ESRP1: variants seen among roughly 807,000 people sequenced by gnomAD.
ESRP1 encodes epithelial splicing regulatory protein 1.
In ESRP1, 33 loss-of-function variants were observed where a neutral mutation model predicts 81.7. The ratio of observed to expected loss-of-function variants is 0.40; its 90% CI spans 0.31 to 0.54. ESRP1 has a LOEUF of 0.54. Among genes scored for constraint, ESRP1 ranks in the 20% least tolerant of loss-of-function variants. The pLI is 0.41. For missense variants in ESRP1, 672 were observed against 833.1 expected (o/e 0.81, Z 2.38); for synonymous variants, 320 against 303.3 (o/e 1.06, Z -0.57).
At position 94,655,065 on chromosome 8, in the gene ESRP1, T is replaced by TTTGTG. The variant is rs545869490; in HGVS notation, c.491-7206_491-7205insTGTGT. 9.7e-3 allele frequency among the ~76,000 whole-genome samples: 1,429 copies of TTTGTG among 147,624 alleles called. 29 individuals are homozygous for TTTGTG. The highest frequency in any genetic ancestry group is 0.033 in the African/African-American group (1,353 of 40,572). ...GTGTCTGTGAGGTTTTTTGGGTTTT[T>TTTGTG]TGTGTGTGTGTGTGTGTGTGTGTTT... On this transcript the variant is annotated intron_variant, in intron 4 of 15. Transcript: ENST00000433389.
intron 3 of ESRP1, among the ~76,000 whole-genome samples, chr8:94,644,671 T>C (rs1269205122): frequency 6.6e-6 from 1 of 152,192 alleles, no homozygotes; most frequent in Non-Finnish European, 1.5e-5. Context: ...GTTTTCATTA[T>C]TTAGGTGGAG....
Position 94,706,078 on chromosome 8 carries a change from A to C in ESRP1, c.*189A>C, listed in dbSNP as rs1810061596. ...CCTTATCTTTTGGTGGAGTGAAAAA[A>C]TTTGAGCTAGTGAAGCCAAATCGTA... On this transcript the variant is annotated 3_prime_UTR_variant, in exon 16 of 16. Transcript: ENST00000433389. The C allele has an allele frequency of 1.1e-6, 1 of 945,730 alleles. No individual in the cohort carries two copies. The highest frequency in any genetic ancestry group is 1.7e-5 in the African/African-American group (1 of 59,526). 58.6% of individuals were successfully genotyped at this position (945,730 alleles called of 1,614,324 possible). A position where few individuals can be genotyped will look rare whatever the true frequency, so the allele number is the denominator to read the frequency against.
intron 13 of ESRP1, among the ~76,000 whole-genome samples, chr8:94,682,932 ATTTTTTTTTTTT>A (rs869078492): frequency 6.9e-3 from 125 of 18,062 alleles, no homozygotes; most frequent in Non-Finnish European, 8.0e-3. Context: ...ATATATATAT[ATTTTTTTTTTTT>A]TTTTTTTTTT....
chr8:94,696,813 T>C (rs1224191942), intron 14 of ESRP1, 39 bp from the exon 15 acceptor site: 9 of 1,446,634 alleles, frequency 6.2e-6, no homozygotes, highest in Middle Eastern at 3.5e-4. Context: ...TGACAGTTTG[T>C]CCGTCTTTTG....
chr8:94,686,236 C>T (rs933443277), intron 13 of ESRP1, among the ~76,000 whole-genome samples: 48 of 152,268 alleles, frequency 3.2e-4, no homozygotes, highest in Admixed American at 2.5e-3. Context: ...GCCTACGTTA[C>T]CTATATATGT....
chr8:94,656,544 T>C (rs1323398790), intron 4 of ESRP1, among the ~76,000 whole-genome samples: 1 of 152,196 alleles, frequency 6.6e-6, no homozygotes, highest in Non-Finnish European at 1.5e-5. Context: ...CTTTTAAGAG[T>C]AACATCTCTA....
At chr8:94,702,093 C>A (rs940603880) in intron 15 of ESRP1, among the ~76,000 whole-genome samples, 2 of 152,122 alleles carry the variant, frequency 1.3e-5, no homozygotes, top group African/African-American at 4.8e-5. Context: ...ACAAGTTTTA[C>A]AAACTAAAGT....
At chr8:94,642,218 C>A in intron 2 of ESRP1, 134 bp downstream of exon 2, 1 of 1,126,504 alleles carries the variant, frequency 8.9e-7, no homozygotes, top group Non-Finnish European at 1.2e-6. Flanking sequence ...GGGTGGGAGC[C>A]CAGCCTGAGG....
chr8:94,691,848 A>G (rs991325706), intron 13 of ESRP1, among the ~76,000 whole-genome samples: 1 of 152,194 alleles, frequency 6.6e-6, no homozygotes, highest in South Asian at 2.1e-4. Flanking sequence ...ATGAGTTTTA[A>G]TTATATTAAA....
In ESRP1 at chr8:94,696,899, T is replaced by G. The variant is rs1809628197; in HGVS notation, c.2019T>G (p.Thr673=). The G allele has an allele frequency of 6.3e-7, 1 of 1,594,862 alleles. No individual in the cohort carries two copies. Among genetic ancestry groups the G allele is most frequent in the African/African-American group, 1.3e-5 (1 of 74,670 alleles). The change falls in exon 15 of 16, where the codon ACT becomes ACG. Residue 673 remains threonine, a synonymous_variant. Coordinates refer to ENST00000433389, the MANE Select transcript of ESRP1 (RefSeq NM_017697.4). ...GLIHTNDQAR[T]LPKEWVCI is the part of the protein sequence containing the mutation. ...TACACACAAATGACCAGGCCAGGACTCTACCCAAAGAATGGGTTTGTATTT... is the reference window on the plus strand; with the variant it reads ...TACACACAAATGACCAGGCCAGGACGCTACCCAAAGAATGGGTTTGTATTT...
intron 10 of ESRP1, among the ~76,000 whole-genome samples, chr8:94,670,681 A>G (rs1375082897): frequency 1.3e-5 from 2 of 152,258 alleles, no homozygotes; most frequent in Non-Finnish European, 2.9e-5. Context: ...AGAGCCTTGT[A>G]ATATGAGTGT....
At chr8:94,648,484 G>GA (rs1443593993) in intron 4 of ESRP1, among the ~76,000 whole-genome samples, 5 of 152,216 alleles carry the variant, frequency 3.3e-5, no homozygotes, top group African/African-American at 1.2e-4. Context: ...TGTCCAATCT[G>GA]AATATCAACT....
intron 15 of ESRP1, among the ~76,000 whole-genome samples, chr8:94,699,051 C>T (rs1463324423): frequency 6.6e-6 from 1 of 152,080 alleles, no homozygotes; most frequent in Admixed American, 6.6e-5. Context: ...ATTTTCTTTT[C>T]ACATGTTCAT....
chr8:94,705,415 G>A (rs1810031931), intron 15 of ESRP1, among the ~76,000 whole-genome samples: 1 of 152,166 alleles, frequency 6.6e-6, no homozygotes, highest in East Asian at 1.9e-4. Flanking sequence ...TGATCTGCCT[G>A]CCTCAGCCTC....
intron 14 of ESRP1, among the ~76,000 whole-genome samples, chr8:94,694,524 A>C (rs1809521969): frequency 6.6e-6 from 1 of 152,202 alleles, no homozygotes. Context: ...GAATCGCTTC[A>C]ACCCAGGAGG....
Position 94,646,216 on chromosome 8 carries a change from G to A in ESRP1, c.424G>A (p.Glu142Lys). The A allele has an allele frequency of 6.2e-7, 1 of 1,612,698 alleles. No homozygotes were observed. Residue 142 changes from glutamate (E) to lysine (K), a missense_variant, in exon 4 of 16, where the codon GAA (glutamate) becomes AAA (lysine). By Grantham distance (56) the Glu-to-Lys change is moderately conservative (BLOSUM62 1). Transcript: ENST00000433389. ...CTATTCCTTTTTTGATCTTCGAAAA[G>A]AATTCAAGAAATGTTGCCCTGGTTC... Reference protein sequence around the residue: ...CFYSFFDLRKEFKKCCPGSPD... With the variant: ...CFYSFFDLRKKFKKCCPGSPD...
At position 94,641,294 on chromosome 8, in the gene ESRP1, C is replaced by A. The variant is rs1019535033; in HGVS notation, c.-25C>A. On this transcript the variant is annotated 5_prime_UTR_variant, in exon 1 of 16. Coordinates refer to ENST00000433389, the MANE Select transcript of ESRP1 (RefSeq NM_017697.4). The stretch of plus-strand genomic sequence containing the variant: ...ACCACCTTACCGCCTCCCGACCCCC[C>A]CTCTCCCCCTCCCCACCTATCGTCA... 3 of 1,595,940 alleles carry A rather than the reference C, an allele frequency of 1.9e-6. No homozygotes were observed. The highest frequency in any genetic ancestry group is 1.3e-5 in the African/African-American group (1 of 74,578).
At chr8:94,651,752 G>A (rs1019987980) in intron 4 of ESRP1, among the ~76,000 whole-genome samples, 3 of 151,936 alleles carry the variant, frequency 2.0e-5, no homozygotes, top group Non-Finnish European at 4.4e-5. Context: ...AGGTAGCTGG[G>A]ACTATAGGAG....
intron 4 of ESRP1, among the ~76,000 whole-genome samples, chr8:94,651,302 G>A (rs1431741237): frequency 7.2e-6 from 1 of 139,408 alleles, no homozygotes; most frequent in African/African-American, 2.8e-5. Context: ...GTGCATTGGT[G>A]CTGTAATGCT....
Sources: allele counts gnomAD v4.1 joint callset (sites outside exome capture counted in the v4.1 genomes callset), GRCh38; gene constraint gnomAD v4.1.1; transcripts MANE v1.5; gene names NCBI Gene and HGNC (gene_info 2026-07-23, HGNC 2026-07-21).